TSPAN9: variants seen among roughly 807,000 people sequenced by gnomAD.
The protein encoded by TSPAN9 is tetraspanin 9, also known as tetraspanin-9.
In TSPAN9, 16 loss-of-function variants were observed where a neutral mutation model predicts 31.0. The observed-to-expected ratio is 0.52, with a 90% CI of 0.35 to 0.78. The LOEUF (loss-of-function observed/expected upper bound fraction) is 0.78, where lower values mean the gene tolerates loss of function less well. Ranked by LOEUF, TSPAN9 falls within the 30% of genes least tolerant of loss-of-function variation. TSPAN9 has a pLI of 0.01. For missense variants in TSPAN9, 272 were observed against 312.5 expected (o/e 0.87, Z 0.98); for synonymous variants, 145 against 121.6 (o/e 1.19, Z -1.27).
chr12:3,284,745 T>C lies in TSPAN9; in HGVS notation c.*1629T>C, dbSNP rs1040509945. On this transcript the variant is annotated 3_prime_UTR_variant, in exon 9 of 9. Coordinates refer to ENST00000011898, the MANE Select transcript of TSPAN9 (RefSeq NM_006675.5). ...CGGGGACCTCACCCGCTAGCCAGCGTCTGCTGCACTTGATCAGGTGGGGCC... is the reference window on the plus strand; with the variant it reads ...CGGGGACCTCACCCGCTAGCCAGCGCCTGCTGCACTTGATCAGGTGGGGCC... The C allele has an allele frequency of 1.3e-5, 2 of 152,224 alleles. No homozygotes were observed. Among genetic ancestry groups the C allele is most frequent in the Non-Finnish European group, 2.9e-5 (2 of 68,052 alleles). 9.4% of individuals were successfully genotyped at this position (152,224 alleles called of 1,614,324 possible).
At chr12:3,200,646 C>T (rs2098370984) in intron 2 of TSPAN9, 1 of 152,298 alleles carries the variant, frequency 6.6e-6, no homozygotes, top group African/African-American at 2.4e-5. Flanking sequence ...CTGAGTTACG[C>T]GGGCGAGCCG....
intron 3 of TSPAN9, among the ~76,000 whole-genome samples, chr12:3,261,945 G>C (rs988661272): frequency 6.6e-6 from 1 of 152,194 alleles, no homozygotes; most frequent in Non-Finnish European, 1.5e-5. Flanking sequence ...TTGGTGACCC[G>C]CTTTTTGCGG....
chr12:3,141,111 G>A (rs2098334611), intron 2 of TSPAN9, among the ~76,000 whole-genome samples: 1 of 151,970 alleles, frequency 6.6e-6, no homozygotes, highest in Admixed American at 6.5e-5. Flanking sequence ...CCTCGCCAAA[G>A]GAGAGGTTTG....
At chr12:3,130,121 G>T (rs76350955) in intron 2 of TSPAN9, among the ~76,000 whole-genome samples, 5,685 of 152,258 alleles carry the variant, frequency 0.037, 314 homozygotes, top group African/African-American at 0.13. Flanking sequence ...TGGCCAGAGG[G>T]TCGCTTCCCT....
At chr12:3,235,028 G>T (rs1308568637) in intron 3 of TSPAN9, among the ~76,000 whole-genome samples, 1 of 148,160 alleles carries the variant, frequency 6.7e-6, no homozygotes, top group Admixed American at 6.7e-5. Flanking sequence ...TTAGCCGGGC[G>T]TGGTGGTGGG....
At chr12:3,282,231 A>C in intron 8 of TSPAN9, 1 of 564,282 alleles carries the variant, frequency 1.8e-6, no homozygotes, top group East Asian at 2.9e-5. Flanking sequence ...TGCCTCCTGC[A>C]CTCCTCTGGG....
intron 3 of TSPAN9, among the ~76,000 whole-genome samples, chr12:3,259,506 G>A (rs898504532): frequency 1.3e-5 from 2 of 152,236 alleles, no homozygotes; most frequent in Non-Finnish European, 2.9e-5. Flanking sequence ...GAGCAAGTCA[G>A]GATCTCTCCT....
chr12:3,264,598 C>A (rs1024438520), intron 3 of TSPAN9, among the ~76,000 whole-genome samples: 4 of 152,166 alleles, frequency 2.6e-5, no homozygotes, highest in Non-Finnish European at 5.9e-5. Flanking sequence ...CTCTGTGTGC[C>A]GGCTGGGGCC....
chr12:3,163,032 C>A (rs1433863691), intron 2 of TSPAN9, among the ~76,000 whole-genome samples: 2 of 152,234 alleles, frequency 1.3e-5, no homozygotes, highest in East Asian at 3.8e-4. Flanking sequence ...CAACTCTCTT[C>A]TCCAAGTGTA....
chr12:3,089,443 T>C (rs773635391), intron 2 of TSPAN9, among the ~76,000 whole-genome samples: 165 of 150,700 alleles, frequency 1.1e-3, no homozygotes, highest in Non-Finnish European at 2.0e-3. Context: ...ATTACAGGCA[T>C]GTGCCACCAC....
At chr12:3,209,421 C>T (rs1054982588) in intron 3 of TSPAN9, among the ~76,000 whole-genome samples, 6 of 152,198 alleles carry the variant, frequency 3.9e-5, no homozygotes, top group Admixed American at 6.5e-5. Flanking sequence ...AACAACACTT[C>T]TGTAAACATT....
intron 3 of TSPAN9, among the ~76,000 whole-genome samples, chr12:3,226,782 A>T (rs1415939379): frequency 0.26 from 813 of 3,168 alleles, 222 homozygotes; most frequent in Non-Finnish European, 0.3. Flanking sequence ...ATATATATAT[A>T]TATATATATA....
intron 2 of TSPAN9, among the ~76,000 whole-genome samples, chr12:3,175,824 T>G (rs2098355224): frequency 1.3e-5 from 2 of 152,170 alleles, no homozygotes; most frequent in Non-Finnish European, 2.9e-5. Context: ...AGAAAGATAC[T>G]TAACACCGAC....
intron 3 of TSPAN9, among the ~76,000 whole-genome samples, chr12:3,230,668 C>T (rs898664778): frequency 6.6e-6 from 1 of 152,076 alleles, no homozygotes; most frequent in African/African-American, 2.4e-5. Context: ...AGGGGTTTTC[C>T]CCACACTGCT....
intron 3 of TSPAN9, among the ~76,000 whole-genome samples, chr12:3,238,000 TC>T (rs1471310984): frequency 7.2e-5 from 11 of 152,146 alleles, no homozygotes; most frequent in Non-Finnish European, 2.9e-5. Flanking sequence ...GGTTTCAAAA[TC>T]CAGCCTCATT....
intron 3 of TSPAN9, among the ~76,000 whole-genome samples, chr12:3,206,858 C>T (rs1369402382): frequency 6.6e-6 from 1 of 152,122 alleles, no homozygotes; most frequent in Non-Finnish European, 1.5e-5. Flanking sequence ...CAGAGTAGAG[C>T]AAGTGACACC....
intron 5 of TSPAN9, among the ~76,000 whole-genome samples, chr12:3,279,473 T>C (rs1023854581): frequency 2.6e-5 from 4 of 152,112 alleles, no homozygotes; most frequent in African/African-American, 9.7e-5. Flanking sequence ...AAGGAGGAAC[T>C]CTCTGGGCGA....
chr12:3,096,053 T>A (rs979250352), intron 2 of TSPAN9, among the ~76,000 whole-genome samples: 7 of 151,410 alleles, frequency 4.6e-5, no homozygotes, highest in Non-Finnish European at 7.4e-5. Context: ...CGGGCGGCGC[T>A]CCCGGCGCGG....
intron 3 of TSPAN9, among the ~76,000 whole-genome samples, chr12:3,239,536 A>G (rs115692382): frequency 0.014 from 2,091 of 152,312 alleles, 72 homozygotes; most frequent in East Asian, 0.097. Flanking sequence ...TCCCCGCTCC[A>G]CTGCCCGAGT....
Sources: allele counts gnomAD v4.1 joint callset (sites outside exome capture counted in the v4.1 genomes callset), GRCh38; gene constraint gnomAD v4.1.1; transcripts MANE v1.5; gene names NCBI Gene and HGNC (gene_info 2026-07-23, HGNC 2026-07-21).